TUSC3: variants seen among roughly 807,000 people sequenced by gnomAD.
TUSC3 encodes the protein dolichyl-diphosphooligosaccharide--protein glycosyltransferase subunit TUSC3.
TUSC3 carries 45 observed loss-of-function variants against 44.8 expected under a neutral mutation model. The ratio of observed to expected loss-of-function variants is 1.00; its 90% confidence interval spans 0.79 to 1.29. TUSC3 has a LOEUF of 1.29. Ranked by LOEUF, TUSC3 falls within the 50% of genes most tolerant of loss-of-function variation. The pLI is 0.00. For missense variants in TUSC3, 519 were observed against 437.9 expected, an observed-to-expected ratio of 1.19 and a Z score of -1.65; for synonymous variants, 212 against 152.9, an observed-to-expected ratio of 1.39 and a Z score of -2.85.
At chr8:15,460,140 T>G (rs1240465998) in intron 1 of TUSC3, among the ~76,000 whole-genome samples, 1 of 152,160 alleles carries the variant, frequency 6.6e-6, no homozygotes, top group Non-Finnish European at 1.5e-5. Context: ...CTGTACTAGT[T>G]TACATTCCCA....
chr8:15,850,606 T>C, the TUSC3 span, among the ~76,000 whole-genome samples: 104 of 152,256 alleles, frequency 6.8e-4, no homozygotes, highest in African/African-American at 2.5e-3. Context: ...TAAGTTACTG[T>C]TGGCTTTTGA....
At chr8:15,588,005 G>A (rs192888340) in intron 1 of TUSC3, among the ~76,000 whole-genome samples, 243 of 152,216 alleles carry the variant, frequency 1.6e-3, no homozygotes, top group African/African-American at 5.6e-3. Context: ...ATTGTGAATA[G>A]CATTGCAGTA....
At chr8:15,738,297 A>G (rs1585285939) in intron 7 of TUSC3, among the ~76,000 whole-genome samples, 1 of 152,206 alleles carries the variant, frequency 6.6e-6, no homozygotes, top group East Asian at 1.9e-4. Context: ...TGTTTACTAA[A>G]TTCTTGCATT....
At chr8:15,745,133 G>T (rs1359697029) in intron 8 of TUSC3, among the ~76,000 whole-genome samples, 1 of 151,946 alleles carries the variant, frequency 6.6e-6, no homozygotes, top group East Asian at 1.9e-4. Flanking sequence ...GTTCTTTTTG[G>T]CTGCATAGTA....
At chr8:15,472,903 A>G (rs1163284964) in intron 1 of TUSC3, among the ~76,000 whole-genome samples, 2 of 152,222 alleles carry the variant, frequency 1.3e-5, no homozygotes, top group Non-Finnish European at 2.9e-5. Context: ...CTCCACATAC[A>G]GAAGTTGATA....
intron 1 of TUSC3, among the ~76,000 whole-genome samples, chr8:15,447,506 C>G (rs540593748): frequency 6.6e-6 from 1 of 151,974 alleles, no homozygotes; most frequent in Non-Finnish European, 1.5e-5. Flanking sequence ...TCAAATATTT[C>G]TAAATGGAAA....
intron 1 of TUSC3, among the ~76,000 whole-genome samples, chr8:15,588,886 G>C (rs1803707077): frequency 6.6e-6 from 1 of 152,020 alleles, no homozygotes; most frequent in Non-Finnish European, 1.5e-5. Context: ...TTTATTTCTG[G>C]ATTGTCTATT....
the TUSC3 span, among the ~76,000 whole-genome samples, chr8:15,830,206 T>C: frequency 1.3e-5 from 2 of 152,166 alleles, no homozygotes; most frequent in African/African-American, 2.4e-5. Context: ...CTTTGTTAAA[T>C]GCATAGTTTG....
intron 6 of TUSC3, among the ~76,000 whole-genome samples, chr8:15,694,711 C>T (rs1397439838): frequency 1.3e-5 from 2 of 152,138 alleles, no homozygotes; most frequent in Non-Finnish European, 2.9e-5. Flanking sequence ...CATGGCTTAG[C>T]TCAGGACTCC....
intron 1 of TUSC3, among the ~76,000 whole-genome samples, chr8:15,423,501 A>C (rs1799763372): frequency 6.6e-6 from 1 of 152,152 alleles, no homozygotes; most frequent in Non-Finnish European, 1.5e-5. Context: ...TAAGTTCAAA[A>C]TTGTATTCTT....
At chr8:15,708,716 C>G (rs1474766106) in intron 6 of TUSC3, among the ~76,000 whole-genome samples, 1 of 151,862 alleles carries the variant, frequency 6.6e-6, no homozygotes, top group Non-Finnish European at 1.5e-5. Flanking sequence ...TGCTTTCTGT[C>G]TAGCATTAGT....
At chr8:15,604,047 G>A (rs1349166332) in intron 1 of TUSC3, among the ~76,000 whole-genome samples, 1 of 151,582 alleles carries the variant, frequency 6.6e-6, no homozygotes, top group Admixed American at 6.6e-5. Flanking sequence ...TTAATATGAT[G>A]GGGTGCCCTA....
At position 15,664,333 on chromosome 8, in the gene TUSC3, C is replaced by T. The variant is rs554479428; in HGVS notation, c.708+2037C>T. Among the ~76,000 whole-genome samples, 3 of 151,194 alleles carry T rather than the reference C, an allele frequency of 2.0e-5. No homozygotes were observed. The South Asian group carries it at 6.3e-4, about 31-fold the overall frequency. On this transcript the variant is annotated intron_variant, in intron 5 of 10. Coordinates refer to ENST00000503731, the MANE Select transcript of TUSC3 (RefSeq NM_006765.4). ...ATTCAACCCAGTAGATACAGTGAGC[C>T]CTTATGACTACAAATAAATTCATAG...
intron 2 of TUSC3, among the ~76,000 whole-genome samples, chr8:15,623,712 TAAAG>T (rs1323163437): frequency 1.3e-5 from 2 of 152,012 alleles, no homozygotes; most frequent in Non-Finnish European, 2.9e-5. Flanking sequence ...AGGAATAAAT[TAAAG>T]AAAACTTTGG....
At chr8:15,634,221 A>C (rs1427679583) in intron 2 of TUSC3, among the ~76,000 whole-genome samples, 1 of 152,204 alleles carries the variant, frequency 6.6e-6, no homozygotes, top group African/African-American at 2.4e-5. Flanking sequence ...GAGGTCTTCC[A>C]AATGGGACCT....
intron 1 of TUSC3, among the ~76,000 whole-genome samples, chr8:15,589,214 A>C (rs997491481): frequency 1.3e-5 from 2 of 152,170 alleles, no homozygotes; most frequent in African/African-American, 4.8e-5. Flanking sequence ...TACAGGTGAC[A>C]CAAGTTTTTT....
chr8:15,445,085 G>C (rs1000351487), intron 1 of TUSC3, among the ~76,000 whole-genome samples: 2 of 152,150 alleles, frequency 1.3e-5, no homozygotes, highest in African/African-American at 4.8e-5. Flanking sequence ...CAAAAAATTT[G>C]ACAGGAAGCT....
At chr8:15,693,393 G>C (rs1264071317) in intron 6 of TUSC3, among the ~76,000 whole-genome samples, 1 of 143,770 alleles carries the variant, frequency 7.0e-6, no homozygotes, top group African/African-American at 2.6e-5. Flanking sequence ...TTACTTATTT[G>C]CTTATGAAGC....
At chr8:15,535,104 T>G (rs1483457028) in intron 2 of TUSC3, among the ~76,000 whole-genome samples, 1 of 152,226 alleles carries the variant, frequency 6.6e-6, no homozygotes, top group African/African-American at 2.4e-5. Context: ...TTAAGTAAAT[T>G]ATCACTGTTT....
Sources: gnomAD v4.1 joint callset for allele counts (sites outside exome capture counted in the v4.1 genomes callset) on GRCh38, gnomAD v4.1.1 for gene constraint, MANE v1.5 for transcripts, NCBI Gene and HGNC (gene_info 2026-07-23, HGNC 2026-07-21) for gene names.